The following PEX14 variants were observed in gnomAD, a reference collection of about 807,000 sequenced individuals.
The protein encoded by PEX14 is peroxisomal biogenesis factor 14.
In PEX14, 15 loss-of-function variants were observed where a neutral mutation model predicts 49.5. The ratio of observed to expected loss-of-function variants is 0.30; its 90% CI spans 0.20 to 0.47. PEX14 has a LOEUF of 0.47. Ranked by LOEUF, PEX14 falls within the 20% of genes least tolerant of loss-of-function variation. The pLI is 1.00. For synonymous variants in PEX14, 210 were observed against 212.7 expected, an observed-to-expected ratio of 0.99 and a Z score of 0.11; for missense variants, 398 against 494.8, an observed-to-expected ratio of 0.80 and a Z score of 1.86.
chr1:10,625,210 G>A (rs1435878347), intron 7 of PEX14, among the ~76,000 whole-genome samples: 1 of 152,188 alleles, frequency 6.6e-6, no homozygotes, highest in Non-Finnish European at 1.5e-5. Flanking sequence ...TAGGTTCTGT[G>A]GGTGGGTAAC....
chr1:10,533,859 A>G (rs190380644), intron 2 of PEX14, among the ~76,000 whole-genome samples: 2 of 152,334 alleles, frequency 1.3e-5, no homozygotes, highest in Non-Finnish European at 2.9e-5. Context: ...GAAATAAGAG[A>G]TGCATTTTTT....
intron 2 of PEX14, among the ~76,000 whole-genome samples, chr1:10,508,780 T>G (rs935597740): frequency 6.6e-6 from 1 of 152,230 alleles, no homozygotes. Context: ...ATTCTCAGCC[T>G]TGACTCCACT....
At chr1:10,575,908 C>A (rs1332987502) in intron 3 of PEX14, among the ~76,000 whole-genome samples, 1 of 152,080 alleles carries the variant, frequency 6.6e-6, no homozygotes, top group Non-Finnish European at 1.5e-5. Context: ...GTACCTGTCT[C>A]AATATGCTAC....
chr1:10,510,854 A>G (rs1032389682), intron 2 of PEX14, among the ~76,000 whole-genome samples: 12 of 152,210 alleles, frequency 7.9e-5, no homozygotes, highest in Admixed American at 5.2e-4. Flanking sequence ...TGTTCAGTGG[A>G]TGACTGCTAC....
chr1:10,512,251 C>G lies in PEX14; in HGVS notation c.84+16930C>G, dbSNP rs1025758327. 1.3e-5 allele frequency among the ~76,000 whole-genome samples: 2 copies of G among 152,180 alleles called. No individual in the cohort carries two copies. On this transcript the variant is annotated intron_variant, in intron 2 of 8. Transcript: ENST00000356607. The surrounding 1 kb of genome is among the most constrained non-coding windows in gnomAD (Gnocchi z 4.6). ...GAGATTACAGACGTGAGCCACCGTG[C>G]CTGGCCCAAGTCTAAATTTTTAAGG...
chr1:10,514,815 T>C lies in PEX14; in HGVS notation c.84+19494T>C, dbSNP rs1023846433. 6.6e-6 allele frequency among the ~76,000 whole-genome samples: 1 copy of C among 152,238 alleles called. No individual in the cohort carries two copies. Among genetic ancestry groups the C allele is most frequent in the African/African-American group, 2.4e-5 (1 of 41,462 alleles). On this transcript the variant is annotated intron_variant, in intron 2 of 8. Coordinates refer to ENST00000356607, the MANE Select transcript of PEX14 (RefSeq NM_004565.3). This position sits in a 1 kb window ranked among gnomAD's most constrained non-coding sequence, Gnocchi z 4.4. ...TGGCATTTTTATTGTTCTTGAAAATTGTGTACTGATTGCGATCTGTTCTGC... is the reference window on the plus strand; with the variant it reads ...TGGCATTTTTATTGTTCTTGAAAATCGTGTACTGATTGCGATCTGTTCTGC...
chr1:10,512,925 G>T lies in PEX14; in HGVS notation c.84+17604G>T, dbSNP rs763440276. On this transcript the variant is annotated intron_variant, in intron 2 of 8. Coordinates refer to ENST00000356607, the MANE Select transcript of PEX14 (RefSeq NM_004565.3). This position sits in a 1 kb window ranked among gnomAD's most constrained non-coding sequence, Gnocchi z 4.6. ...TGTTAGCTGGGATGGTCTGGATCTC[G>T]TGACCTCGTGATCCACCCACCTTGG... Among the ~76,000 whole-genome samples, 9 of 152,052 alleles carry T rather than the reference G, an allele frequency of 5.9e-5. No homozygotes were observed. The highest frequency in any genetic ancestry group is 1.2e-4 in the Non-Finnish European group (8 of 68,010).
chr1:10,484,189 G>A (rs990702902), intron 1 of PEX14, among the ~76,000 whole-genome samples: 6 of 151,012 alleles, frequency 4.0e-5, no homozygotes, highest in East Asian at 1.9e-4. Context: ...CACCATGGCC[G>A]GCTAATTGGC....
rs142759839 is a variant in PEX14 at position 10,562,341 on chromosome 1, T to G, written c.169+26044T>G. Among the ~76,000 whole-genome samples, 1,328 of 152,372 alleles carry G rather than the reference T, an allele frequency of 8.7e-3. 17 individuals are homozygous for G. The highest frequency in any genetic ancestry group is 0.029 in the African/African-American group (1,226 of 41,578). On this transcript the variant is annotated intron_variant, in intron 3 of 8. Coordinates refer to ENST00000356607, the MANE Select transcript of PEX14 (RefSeq NM_004565.3). ...CATATTCAAATTTAGTCAGTTGTCC[T>G]AATAATGCCCTTTATAGAAAAAGAA...
Position 10,552,215 on chromosome 1 carries a change from G to A in PEX14, c.169+15918G>A, listed in dbSNP as rs138263528. On this transcript the variant is annotated intron_variant, in intron 3 of 8. Transcript: ENST00000356607. ...TACCAGCACTTTGGGAGGCCGAGAC[G>A]GGCAAATCACGAGGTCAGGAGTTCA... Among the ~76,000 whole-genome samples, 505 of 152,296 alleles carry A rather than the reference G, an allele frequency of 3.3e-3. 2 individuals carry two copies. Among genetic ancestry groups the A allele is most frequent in the African/African-American group, 0.012 (490 of 41,558 alleles).
At chr1:10,580,250 G>C (rs1002847583) in intron 3 of PEX14, among the ~76,000 whole-genome samples, 1 of 151,932 alleles carries the variant, frequency 6.6e-6, no homozygotes. Flanking sequence ...TTTGAGATAG[G>C]ATCTCACTCT....
intron 2 of PEX14, among the ~76,000 whole-genome samples, chr1:10,517,899 C>T (rs1415234435): frequency 6.6e-6 from 1 of 151,828 alleles, no homozygotes; most frequent in African/African-American, 2.4e-5. Context: ...GAGCAGAAGC[C>T]CAATTTGAAT....
At chr1:10,523,895 C>G (rs1638383438) in intron 2 of PEX14, among the ~76,000 whole-genome samples, 1 of 150,372 alleles carries the variant, frequency 6.7e-6, no homozygotes. Context: ...GAAAATGTAT[C>G]CGGGAGTCCT....
chr1:10,480,696 C>T (rs1309826292), intron 1 of PEX14, among the ~76,000 whole-genome samples: 1 of 151,940 alleles, frequency 6.6e-6, no homozygotes, highest in African/African-American at 2.4e-5. Flanking sequence ...CACCTGGCCT[C>T]AACTTTTTAT....
At chr1:10,616,648 C>T (rs900742408) in intron 4 of PEX14, among the ~76,000 whole-genome samples, 7 of 152,268 alleles carry the variant, frequency 4.6e-5, no homozygotes, top group African/African-American at 7.2e-5. Context: ...TGGAGATGGC[C>T]GCTCCAGAAA....
At position 10,490,332 on chromosome 1, in the gene PEX14, C is replaced by T. The variant is rs561228843; in HGVS notation, c.37-4942C>T. On this transcript the variant is annotated intron_variant, in intron 1 of 8. Transcript: ENST00000356607. ...GGATGGGTTCTCCTATCTGAAGTCG[C>T]AGTTACTGGGCAGATGCAGGATGGG... 4.6e-5 allele frequency among the ~76,000 whole-genome samples: 7 copies of T among 152,210 alleles called. No individual in the cohort carries two copies. The East Asian group carries it at 9.7e-4, about 21-fold the overall frequency.
chr1:10,490,884 A>G (rs1641459205), intron 1 of PEX14, among the ~76,000 whole-genome samples: 1 of 151,528 alleles, frequency 6.6e-6, no homozygotes. Context: ...TGTATTTTTT[A>G]GTAGAGACAG....
chr1:10,535,712 T>G (rs1372732013), intron 2 of PEX14, among the ~76,000 whole-genome samples: 1 of 152,160 alleles, frequency 6.6e-6, no homozygotes, highest in Non-Finnish European at 1.5e-5. Flanking sequence ...AGAGATGGCT[T>G]GCTTATTTAG....
At chr1:10,595,426 A>G (rs1265369726) in intron 3 of PEX14, among the ~76,000 whole-genome samples, 1 of 152,186 alleles carries the variant, frequency 6.6e-6, no homozygotes, top group Non-Finnish European at 1.5e-5. Flanking sequence ...TATCAATAAT[A>G]TATTTTAATT....
Sources: allele counts gnomAD v4.1 joint callset (sites outside exome capture counted in the v4.1 genomes callset), GRCh38; gene constraint gnomAD v4.1.1; non-coding constraint Gnocchi (gnomAD v3.1); transcripts MANE v1.5; gene names NCBI Gene and HGNC (gene_info 2026-07-23, HGNC 2026-07-21).